Variants in NOM1 observed in about 807,000 individuals in gnomAD.
NOM1 encodes the protein nucleolar protein with MIF4G domain 1.
NOM1 carries 58 observed loss-of-function variants against 73.3 expected under a neutral mutation model. That is an observed-to-expected ratio of 0.79 (90% CI 0.64 to 0.99). NOM1 has a LOEUF of 0.99. NOM1 is among the 50% of genes least tolerant of loss of function. The pLI, the probability that NOM1 is intolerant of heterozygous loss-of-function variation, is 0.00. For missense variants in NOM1, 1,226 were observed against 1,131.9 expected (o/e 1.08, Z -1.19); for synonymous variants, 487 against 446.8 (o/e 1.09, Z -1.14).
At position 156,950,657 on chromosome 7, in the gene NOM1, G is replaced by T; in HGVS notation, c.920G>T (p.Arg307Ile). The T allele has an allele frequency of 6.4e-7, 1 of 1,552,344 alleles. No individual in the cohort carries two copies. The highest frequency in any genetic ancestry group is 8.7e-7 in the Non-Finnish European group (1 of 1,147,068). The change falls in exon 1 of 11, where the codon AGA becomes ATA. Residue 307 changes from arginine to isoleucine, a missense_variant. Transcript: ENST00000275820. ...GCGCAGGAGAAAAGGAGGGGGAAGA[G>T]AGTCCGTTTTGCAGAAGATGAAGAA... ...KGAQEKRRGKRVRFAEDEEKS... is the reference protein window; with the variant it reads ...KGAQEKRRGKIVRFAEDEEKS...
chr7:156,950,258 C>T lies in NOM1; in HGVS notation c.521C>T (p.Ala174Val). ...GCCACCGCCGCTGCCCGGAAACGGG[C>T]GCTTTTAGCGGCGAACGAGGAGGAG... ...AAATAAARKR[A>V]LLAANEEEDR... is the part of the protein sequence containing the mutation. The change falls in exon 1 of 11, where the codon GCG becomes GTG. Residue 174 changes from alanine (A) to valine (V), a missense_variant. Coordinates refer to ENST00000275820, the MANE Select transcript of NOM1 (RefSeq NM_138400.2). 6.2e-7 allele frequency: 1 copy of T among 1,613,708 alleles called. No homozygotes were observed. Among genetic ancestry groups the T allele is most frequent in the Non-Finnish European group, 8.5e-7 (1 of 1,179,724 alleles).
Position 156,954,112 on chromosome 7 carries a change from A to C in NOM1, c.1122A>C (p.Glu374Asp), listed in dbSNP as rs1804659652. The change falls in exon 3 of 11, where the codon GAA (glutamate) becomes GAC (aspartate). Residue 374 changes from glutamate (E) to aspartate (D), a missense_variant. By Grantham distance (45) the Glu-to-Asp change is conservative (BLOSUM62 2). Coordinates refer to ENST00000275820, the MANE Select transcript of NOM1 (RefSeq NM_138400.2). ...TTACAATTCTCTGCAGGTTGAGTGA[A>C]CCCAACATGGCTTCCATCAGTGGGC... ...HVKGLLNRLS[E>D]PNMASISGQL... 6.2e-7 allele frequency: 1 copy of C among 1,608,360 alleles called. No homozygotes were observed. The highest frequency in any genetic ancestry group is 1.3e-5 in the African/African-American group (1 of 74,592).
intron 9 of NOM1, 36 bp from the exon 10 acceptor site, chr7:156,969,051 G>A (rs780133180): frequency 8.6e-7 from 1 of 1,160,736 alleles, no homozygotes; most frequent in Non-Finnish European, 1.3e-6. Context: ...GGCTAAATCA[G>A]TGTAACTTTA....
At chr7:156,954,522 C>CTTTTTTTTTTTTTTTGTTTTTT (rs1804672988) in intron 3 of NOM1, among the ~76,000 whole-genome samples, 1 of 101,660 alleles carries the variant, frequency 9.8e-6, no homozygotes, top group Non-Finnish European at 1.9e-5. Context: ...TCTGTCCATT[C>CTTTTTTTTTTTTTTTGTTTTTT]TTTTTTTTTT....
rs1455334750 is a variant in NOM1 at position 156,950,585 on chromosome 7, A to T, written c.848A>T (p.Asp283Val). The T allele has an allele frequency of 8.8e-6, 14 of 1,595,310 alleles. No individual in the cohort carries two copies. Among genetic ancestry groups the T allele is most frequent in the Non-Finnish European group, 1.2e-5 (14 of 1,170,386 alleles). ...GAAGCAGAAGCGCAGAGCGAGGACG[A>T]CGACGAGGATACAGAAGAGGAACAG... ...AQEAEAQSEDDDEDTEEEQGE... is the reference protein window; with the variant it reads ...AQEAEAQSEDVDEDTEEEQGE... The change falls in exon 1 of 11, where the codon GAC (aspartate) becomes GTC (valine). Residue 283 changes from aspartate to valine, a missense_variant. By Grantham distance (152) the Asp-to-Val change is radical (BLOSUM62 -3). Transcript: ENST00000275820.
At chr7:156,955,307 C>G (rs895887845) in intron 3 of NOM1, among the ~76,000 whole-genome samples, 1 of 152,172 alleles carries the variant, frequency 6.6e-6, no homozygotes, top group Admixed American at 6.5e-5. Flanking sequence ...CAGTCAGTAT[C>G]CCAGTTCCCC....
At position 156,952,588 on chromosome 7, in the gene NOM1, C is replaced by G. The variant is rs768157421; in HGVS notation, c.1102C>G (p.Leu368Val). ...LERLKKHVKG[L>V]LNRLSEPNMA... is the part of the protein sequence containing the mutation. ...AAGGCTGAAGAAACATGTAAAAGGT[C>G]TACTTAACAGGTGACCTTGTAGTGT... The change falls in exon 2 of 11, where the codon CTA (leucine) becomes GTA (valine). Residue 368 changes from leucine (L) to valine (V), a missense_variant. Coordinates refer to ENST00000275820, the MANE Select transcript of NOM1 (RefSeq NM_138400.2). 1 of 1,613,452 alleles carries G rather than the reference C, an allele frequency of 6.2e-7. No individual in the cohort carries two copies. Among genetic ancestry groups the G allele is most frequent in the Non-Finnish European group, 8.5e-7 (1 of 1,179,860 alleles).
chr7:156,962,536 A>AGAAG (rs1804892348), intron 5 of NOM1, among the ~76,000 whole-genome samples: 2 of 152,184 alleles, frequency 1.3e-5, no homozygotes, highest in Non-Finnish European at 1.5e-5. Flanking sequence ...GCACCATTGG[A>AGAAG]TCATCCGATG....
At chr7:156,966,178 C>T in intron 7 of NOM1, 92 bp from the exon 8 acceptor site, 1 of 1,534,800 alleles carries the variant, frequency 6.5e-7, no homozygotes, top group Non-Finnish European at 8.8e-7. Context: ...TAACCAGACC[C>T]TTCCAGGCGG....
At chr7:156,955,022 G>A (rs1351223357) in intron 3 of NOM1, among the ~76,000 whole-genome samples, 1 of 152,190 alleles carries the variant, frequency 6.6e-6, no homozygotes, top group African/African-American at 2.4e-5. Flanking sequence ...CATGTTCAGG[G>A]AGACCTGGTG....
rs746926641 is a variant in NOM1, at chr7:156,962,166, G to C, written c.1648G>C (p.Glu550Gln). Reference protein sequence around the residue: ...QDQTRIRFMLETMLALKNNDM... With the variant: ...QDQTRIRFMLQTMLALKNNDM... The stretch of plus-strand genomic sequence containing the variant: ...TTTCTTGAAGATTCGGTTTATGCTA[G>C]AGACGATGTTGGCCCTGAAGAACAA... The change falls in exon 5 of 11, where the codon GAG becomes CAG. Residue 550 changes from glutamate to glutamine, a missense_variant. By Grantham distance (29) the Glu-to-Gln change is conservative. Transcript: ENST00000275820. 4 of 1,613,980 alleles carry C rather than the reference G, an allele frequency of 2.5e-6. No individual in the cohort carries two copies. Among genetic ancestry groups the C allele is most frequent in the Non-Finnish European group, 3.4e-6 (4 of 1,179,886 alleles).
At chr7:156,955,032 G>A (rs905983218) in intron 3 of NOM1, among the ~76,000 whole-genome samples, 1 of 152,210 alleles carries the variant, frequency 6.6e-6, no homozygotes, top group Non-Finnish European at 1.5e-5. Context: ...GAGACCTGGT[G>A]CCCTTTCTGT....
rs193039553 is a variant in NOM1 at position 156,956,786 on chromosome 7, T to C, written c.1308+2488T>C. ...CTGTCCTCATTTTCATGTATGAGCA[T>C]GTGGGAGTCTGTTTTCTTGTCATTA... is the stretch of plus-strand genomic sequence containing the variant. On this transcript the variant is annotated intron_variant, in intron 3 of 10. Coordinates refer to ENST00000275820, the MANE Select transcript of NOM1 (RefSeq NM_138400.2). 3.3e-4 allele frequency among the ~76,000 whole-genome samples: 51 copies of C among 152,352 alleles called. 1 individual carries two copies. In the South Asian group the frequency reaches 4.8e-3, roughly 14 times the overall value.
rs1804915597 is a variant in NOM1 at position 156,963,342 on chromosome 7, A to G, written c.1911+167A>G. 6 of 684,586 alleles carry G rather than the reference A, an allele frequency of 8.8e-6. No individual in the cohort carries two copies. The African/African-American group carries it at 9.0e-5, about 10-fold the overall frequency. The allele number at this position is 684,586 out of a possible 1,614,324, so 42.4% of individuals were successfully genotyped here. ...ATTGCTATTAATATTACATTGTGAT[A>G]TAATTATTCCATTTCTGTTGTATCT... is the stretch of plus-strand genomic sequence containing the variant. On this transcript the variant is annotated intron_variant, in intron 6 of 10. Transcript: ENST00000275820.
At chr7:156,965,946 A>G (rs1351113729) in intron 7 of NOM1, among the ~76,000 whole-genome samples, 2 of 152,192 alleles carry the variant, frequency 1.3e-5, no homozygotes, top group African/African-American at 4.8e-5. Flanking sequence ...AGTCATCGCC[A>G]TAGCAGGAAC....
At chr7:156,957,170 T>C (rs1172405153) in intron 3 of NOM1, among the ~76,000 whole-genome samples, 2 of 152,222 alleles carry the variant, frequency 1.3e-5, no homozygotes, top group Non-Finnish European at 2.9e-5. Flanking sequence ...TGCCAGCGTG[T>C]GATGAGCTTT....
intron 4 of NOM1, 100 bp from the exon 5 acceptor site, chr7:156,962,048 TGGC>T: frequency 3.5e-6 from 3 of 858,066 alleles, no homozygotes; most frequent in South Asian, 1.4e-5. Context: ...ATCGTGGCGG[TGGC>T]GGCCATGTGC....
chr7:156,968,155 C>T (rs1265950370), intron 9 of NOM1, among the ~76,000 whole-genome samples: 1 of 152,218 alleles, frequency 6.6e-6, no homozygotes, highest in Non-Finnish European at 1.5e-5. Flanking sequence ...CAAATCCTGA[C>T]AACTGGAATA....
chr7:156,953,161 C>A (rs1416824967), intron 2 of NOM1, among the ~76,000 whole-genome samples: 1 of 152,122 alleles, frequency 6.6e-6, no homozygotes, highest in African/African-American at 2.4e-5. Context: ...TTTGCTCTTG[C>A]TGCACTGGCT....
Sources: gnomAD v4.1 joint callset for allele counts (sites outside exome capture counted in the v4.1 genomes callset) on GRCh38, gnomAD v4.1.1 for gene constraint, MANE v1.5 for transcripts, NCBI Gene and HGNC (gene_info 2026-07-23, HGNC 2026-07-21) for gene names.